SIAH2: variants seen among roughly 807,000 people sequenced by gnomAD.
SIAH2 encodes the protein siah E3 ubiquitin protein ligase 2.
Under a neutral mutation model 20.4 loss-of-function variants are expected in SIAH2, and 4 were observed. That is an observed-to-expected ratio of 0.20 (90% CI 0.10 to 0.45). The LOEUF is 0.45. Ranked by LOEUF, SIAH2 falls within the 20% of genes least tolerant of loss-of-function variation. The probability of loss-of-function intolerance (pLI) is 0.99; values close to 1 mark genes in which losing one functional copy is unlikely to be tolerated. For synonymous variants in SIAH2, 171 were observed against 192.5 expected, an observed-to-expected ratio of 0.89 and a Z score of 0.93; for missense variants, 259 against 440.3, an observed-to-expected ratio of 0.59 and a Z score of 3.69.
chr3:150,742,640 T>G lies in SIAH2; in HGVS notation c.476A>C (p.Asp159Ala). Residue 159 changes from aspartate (D) to alanine (A), a missense_variant, in exon 2 of 2, where the codon GAC (aspartate) becomes GCC (alanine). Coordinates refer to ENST00000312960, the MANE Select transcript of SIAH2 (RefSeq NM_005067.7). This position sits in a 1 kb window ranked among gnomAD's most constrained non-coding sequence, Gnocchi z 4.8. ...GGAGTAGGGACGGTATTCACATATG[T>G]CTTCATGTTCTGGTTTCTCCGTATG... ...LHHTEKPEHE[D>A]ICEYRPYSCP... 6.3e-7 allele frequency: 1 copy of G among 1,590,304 alleles called. No homozygotes were observed. Among genetic ancestry groups the G allele is most frequent in the Non-Finnish European group, 8.6e-7 (1 of 1,166,738 alleles).
rs145858753 is a variant in SIAH2 at position 150,742,363 on chromosome 3, G to A, written c.753C>T (p.Leu251=). 121 of 1,614,194 alleles carry A rather than the reference G, an allele frequency of 7.5e-5. No individual in the cohort carries two copies. The highest frequency in any genetic ancestry group is 1.6e-4 in the Middle Eastern group (1 of 6,062). The change falls in exon 2 of 2, where the codon CTC becomes CTT. Residue 251 remains leucine, a synonymous_variant. Transcript: ENST00000312960. This position sits in a 1 kb window ranked among gnomAD's most constrained non-coding sequence, Gnocchi z 4.8. The stretch of plus-strand genomic sequence containing the variant: ...TCTCGGCTTGCTTGCGGGTGCCAAT[G>A]AGCAGGACGATGGCAAAAAACTGCT... ...GHQQFFAIVL[L]IGTRKQAENF...
intron 1 of SIAH2, among the ~76,000 whole-genome samples, chr3:150,758,589 GAC>G (rs1449715239): frequency 1.0e-5 from 1 of 98,376 alleles, no homozygotes; most frequent in Admixed American, 1.1e-4. Flanking sequence ...TTTTTTTTTT[GAC>G]ACAGAGTCTT....
At chr3:150,760,583 T>C (rs1372037357) in intron 1 of SIAH2, among the ~76,000 whole-genome samples, 2 of 152,216 alleles carry the variant, frequency 1.3e-5, no homozygotes, top group Non-Finnish European at 2.9e-5. Context: ...TCCTTCCCTT[T>C]CTCTTGGGAA....
At chr3:150,755,502 T>C (rs1049269173) in intron 1 of SIAH2, among the ~76,000 whole-genome samples, 1 of 151,448 alleles carries the variant, frequency 6.6e-6, no homozygotes. Context: ...AGCTAATTTT[T>C]GTATTTATTT....
At chr3:150,754,658 G>A (rs371779252) in intron 1 of SIAH2, among the ~76,000 whole-genome samples, 8 of 152,198 alleles carry the variant, frequency 5.3e-5, no homozygotes, top group Admixed American at 2.0e-4. Flanking sequence ...GTTATCTTTA[G>A]GTGAGGGAGA....
At chr3:150,753,914 T>C (rs1714425416) in intron 1 of SIAH2, among the ~76,000 whole-genome samples, 1 of 143,916 alleles carries the variant, frequency 6.9e-6, no homozygotes, top group Non-Finnish European at 1.5e-5. Context: ...GATTTGGTTA[T>C]AGCAGTGCTT....
chr3:150,751,850 C>T (rs911996478), intron 1 of SIAH2, among the ~76,000 whole-genome samples: 8 of 152,202 alleles, frequency 5.3e-5, no homozygotes, highest in African/African-American at 1.9e-4. Flanking sequence ...TGAGCCACCA[C>T]AACTGGCCTG....
At chr3:150,758,988 A>G (rs909550779) in intron 1 of SIAH2, among the ~76,000 whole-genome samples, 2 of 151,474 alleles carry the variant, frequency 1.3e-5, no homozygotes, top group Non-Finnish European at 2.9e-5. Context: ...CAGGTGATCC[A>G]CCCACCTCAG....
chr3:150,762,297 A>G lies in SIAH2; in HGVS notation c.417+136T>C. ...CCAAAGTGGGCTTGAGGGAGGGTGG[A>G]CGAAGTGTAAACATTTTTTCTTTTT... On this transcript the variant is annotated intron_variant, in intron 1 of 1. Coordinates refer to ENST00000312960, the MANE Select transcript of SIAH2 (RefSeq NM_005067.7). The surrounding 1 kb of genome is among the most constrained non-coding windows in gnomAD (Gnocchi z 6.6). 1 of 1,458,442 alleles carries G rather than the reference A, an allele frequency of 6.9e-7. No individual in the cohort carries two copies. Among genetic ancestry groups the G allele is most frequent in the Non-Finnish European group, 9.0e-7 (1 of 1,112,174 alleles). The allele number at this position is 1,458,442 out of a possible 1,614,324, so 90.3% of individuals were successfully genotyped here. A position where few individuals can be genotyped will look rare whatever the true frequency, so the allele number is the denominator to read the frequency against.
At position 150,763,013 on chromosome 3, in the gene SIAH2, G is replaced by C. The variant is rs2108129037; in HGVS notation, c.-164C>G. On this transcript the variant is annotated 5_prime_UTR_variant, in exon 1 of 2. Coordinates refer to ENST00000312960, the MANE Select transcript of SIAH2 (RefSeq NM_005067.7). The surrounding 1 kb of genome is among the most constrained non-coding windows in gnomAD (Gnocchi z 4.1). ...TCGGCGCCCGGCAGGCGGAGGGCTG[G>C]ACCGCGCTGATGCACTCCGCAGCCC... is the stretch of plus-strand genomic sequence containing the variant. 1 of 765,564 alleles carries C rather than the reference G, an allele frequency of 1.3e-6. No homozygotes were observed. Among genetic ancestry groups the C allele is most frequent in the Non-Finnish European group, 1.6e-6 (1 of 609,766 alleles). 47.4% of individuals were successfully genotyped at this position (765,564 alleles called of 1,614,324 possible).
At chr3:150,743,769 TA>T in intron 1 of SIAH2, among the ~76,000 whole-genome samples, 1 of 152,156 alleles carries the variant, frequency 6.6e-6, no homozygotes, top group East Asian at 1.9e-4. Context: ...AATTCCTAGA[TA>T]CCAGATGGAG....
rs545937861 is a variant in SIAH2 at position 150,762,895 on chromosome 3, G to A, written c.-46C>T. 3.5e-6 allele frequency: 4 copies of A among 1,150,664 alleles called. No homozygotes were observed. Among genetic ancestry groups the A allele is most frequent in the Non-Finnish European group, 4.3e-6 (4 of 926,662 alleles). The allele number at this position is 1,150,664 out of a possible 1,614,324, so 71.3% of individuals were successfully genotyped here. On this transcript the variant is annotated 5_prime_UTR_variant, in exon 1 of 2. Coordinates refer to ENST00000312960, the MANE Select transcript of SIAH2 (RefSeq NM_005067.7). This position sits in a 1 kb window ranked among gnomAD's most constrained non-coding sequence, Gnocchi z 6.6. ...GAACTGCGGGCGCCTGCCTGCCGCG[G>A]GGCCGCCCGGGTCAAGGCGGTGCGC...
chr3:150,741,400 T>G lies in SIAH2; in HGVS notation c.*741A>C, dbSNP rs1411100456. On this transcript the variant is annotated 3_prime_UTR_variant, in exon 2 of 2. Coordinates refer to ENST00000312960, the MANE Select transcript of SIAH2 (RefSeq NM_005067.7). Reference sequence around the variant, plus strand: ...CTAGGCAATCCACCCAAAACATAGGTGAGTGGCCAAATCTCAGGCGTGCGT... The same window carrying G: ...CTAGGCAATCCACCCAAAACATAGGGGAGTGGCCAAATCTCAGGCGTGCGT... The G allele has an allele frequency of 1.3e-5, 2 of 152,560 alleles. No homozygotes were observed. The highest frequency in any genetic ancestry group is 2.9e-5 in the Non-Finnish European group (2 of 68,038). The allele number at this position is 152,560 out of a possible 1,614,324, so 9.5% of individuals were successfully genotyped here. A position where few individuals can be genotyped will look rare whatever the true frequency, so the allele number is the denominator to read the frequency against.
At position 150,741,200 on chromosome 3, in the gene SIAH2, G is replaced by A. The variant is rs1411167986; in HGVS notation, c.*941C>T. Reference sequence around the variant, plus strand: ...CAAAACCAACACACAGCTTTAAATAGCAAGCATATGACACACCGGTTATAA... The same window carrying A: ...CAAAACCAACACACAGCTTTAAATAACAAGCATATGACACACCGGTTATAA... On this transcript the variant is annotated 3_prime_UTR_variant, in exon 2 of 2. Transcript: ENST00000312960. The A allele has an allele frequency of 6.6e-6, 1 of 152,582 alleles. No individual in the cohort carries two copies. 9.5% of individuals were successfully genotyped at this position (152,582 alleles called of 1,614,324 possible).
At chr3:150,760,106 T>C (rs943627131) in intron 1 of SIAH2, among the ~76,000 whole-genome samples, 2 of 152,356 alleles carry the variant, frequency 1.3e-5, no homozygotes, top group Non-Finnish European at 1.5e-5. Context: ...CTGTTGTTTC[T>C]CATCCTCTAC....
intron 1 of SIAH2, among the ~76,000 whole-genome samples, chr3:150,758,970 C>T (rs529462625): frequency 3.2e-4 from 48 of 152,210 alleles, no homozygotes; most frequent in Middle Eastern, 3.4e-3. Flanking sequence ...GTCTCAAACT[C>T]CTGACCTCAG....
At chr3:150,750,919 C>T (rs1222255297) in intron 1 of SIAH2, among the ~76,000 whole-genome samples, 6 of 152,188 alleles carry the variant, frequency 3.9e-5, no homozygotes, top group Admixed American at 3.9e-4. Context: ...ATAAAACTGT[C>T]TATGACTTCC....
intron 1 of SIAH2, among the ~76,000 whole-genome samples, chr3:150,753,337 A>G (rs1714410861): frequency 6.6e-6 from 1 of 152,216 alleles, no homozygotes; most frequent in South Asian, 2.1e-4. Context: ...TGGTGGGGTC[A>G]GCAGCGGCCA....
intron 1 of SIAH2, among the ~76,000 whole-genome samples, chr3:150,744,743 T>C (rs1714172069): frequency 6.6e-6 from 1 of 152,176 alleles, no homozygotes; most frequent in Non-Finnish European, 1.5e-5. Flanking sequence ...TGCCCAGGAA[T>C]GAGATGAACT....
Sources: gnomAD v4.1 joint callset for allele counts (sites outside exome capture counted in the v4.1 genomes callset) on GRCh38, gnomAD v4.1.1 for gene constraint, Gnocchi (gnomAD v3.1) non-coding constraint, MANE v1.5 for transcripts, NCBI Gene and HGNC (gene_info 2026-07-23, HGNC 2026-07-21) for gene names.